KNL1: variants seen among roughly 807,000 people sequenced by gnomAD.
The protein encoded by KNL1 is kinetochore scaffold 1, also known as outer kinetochore KNL1 complex subunit KNL1.
Under a neutral mutation model 201.3 loss-of-function variants are expected in KNL1, and 66 were observed. The ratio of observed to expected loss-of-function variants is 0.33; its 90% confidence interval spans 0.27 to 0.40. KNL1 has a LOEUF of 0.40. Among genes scored for constraint, KNL1 ranks in the 10% least tolerant of loss-of-function variants. KNL1 has a pLI of 1.00. For synonymous variants in KNL1, 895 were observed against 899.2 expected, an observed-to-expected ratio of 1.00 and a Z score of 0.08; for missense variants, 2,815 against 2,690.5, an observed-to-expected ratio of 1.05 and a Z score of -1.02.
At chr15:40,644,351 G>A (rs890134311) in intron 14 of KNL1, among the ~76,000 whole-genome samples, 1 of 152,176 alleles carries the variant, frequency 6.6e-6, no homozygotes, top group African/African-American at 2.4e-5. Flanking sequence ...AACATGTCTC[G>A]CCTCCCACCA....
At chr15:40,658,565 A>C (rs1161767108) in intron 24 of KNL1, among the ~76,000 whole-genome samples, 1 of 145,802 alleles carries the variant, frequency 6.9e-6, no homozygotes, top group Non-Finnish European at 1.5e-5. Context: ...CTGTCTCAAA[A>C]AAAAAAAAAA....
At chr15:40,602,778 C>G (rs1891850207) in intron 1 of KNL1, 137 bp from the exon 2 acceptor site, 2 of 527,822 alleles carry the variant, frequency 3.8e-6, no homozygotes, top group African/African-American at 4.0e-5. Flanking sequence ...AGCCACTGCG[C>G]CCGGCCTTTC....
intron 1 of KNL1, among the ~76,000 whole-genome samples, chr15:40,602,420 G>A (rs962349041): frequency 5.3e-5 from 8 of 150,042 alleles, no homozygotes; most frequent in African/African-American, 1.7e-4. Context: ...ACAGGCATGA[G>A]CCACCGCGCC....
rs1215448275 is a variant in KNL1, at chr15:40,632,209, G to A, written c.5682+2838G>A. 3.5e-5 allele frequency among the ~76,000 whole-genome samples: 4 copies of A among 115,898 alleles called. No individual in the cohort carries two copies. The East Asian group carries it at 6.7e-4, about 19-fold the overall frequency. The allele number at this position is 115,898 out of a possible 152,430, so 76.0% of individuals were successfully genotyped here. A position where few individuals can be genotyped will look rare whatever the true frequency, so the allele number is the denominator to read the frequency against. On this transcript the variant is annotated intron_variant, in intron 13 of 25. Coordinates refer to ENST00000399668, the MANE Select transcript of KNL1 (RefSeq NM_144508.5). ...AAGACCAGCCTGGGCAACATAGCGA[G>A]ACCCCCCCCCACCCACATCTTTTAA... is the stretch of plus-strand genomic sequence containing the variant.
In KNL1 at chr15:40,621,555, T is replaced by C. The variant is rs777990077; in HGVS notation, c.1291T>C (p.Ser431Pro). The change falls in exon 10 of 26, where the codon TCT becomes CCT. Residue 431 changes from serine to proline, a missense_variant. Transcript: ENST00000399668. ...SIQGCKTVFY[S>P]SCNDAMEMTK... ...TCAAGGTTGTAAGACTGTTTTCTAT[T>C]CTAGTTGTAATGATGCCATGGAAAT... The C allele has an allele frequency of 1.1e-5, 18 of 1,610,662 alleles. No homozygotes were observed. Among genetic ancestry groups the C allele is most frequent in the Non-Finnish European group, 1.5e-5 (18 of 1,178,440 alleles).
intron 4 of KNL1, among the ~76,000 whole-genome samples, chr15:40,607,260 C>G (rs1892006227): frequency 6.6e-6 from 1 of 152,214 alleles, no homozygotes. Flanking sequence ...GAAGAAAGCA[C>G]ATCTCACACA....
At chr15:40,600,139 C>T (rs1325230622) in intron 1 of KNL1, among the ~76,000 whole-genome samples, 1 of 149,146 alleles carries the variant, frequency 6.7e-6, no homozygotes, top group Non-Finnish European at 1.5e-5. Context: ...GCAGTGGCCC[C>T]GTGTTGGCTC....
intron 22 of KNL1, 52 bp downstream of exon 22, chr15:40,655,029 G>A: frequency 7.2e-7 from 1 of 1,391,572 alleles, no homozygotes. Context: ...TGGGCACTAT[G>A]GCTCATGCCT....
Position 40,651,512 on chromosome 15 carries a change from C to G in KNL1, c.6254C>G (p.Ala2085Gly). Residue 2085 changes from alanine to glycine, a missense_variant, in exon 20 of 26, where the codon GCT (alanine) becomes GGT (glycine). Transcript: ENST00000399668. The part of the protein sequence containing the change: ...ELEVQKEQTL[A>G]QIDFMQKQRN... ...GAGGTACAAAAAGAGCAGACCCTTG[C>G]TCAAATAGACTTTATGCAAAAACAA... is the stretch of plus-strand genomic sequence containing the variant. The G allele has an allele frequency of 6.2e-7, 1 of 1,610,198 alleles. No homozygotes were observed. Among genetic ancestry groups the G allele is most frequent in the South Asian group, 1.1e-5 (1 of 90,264 alleles).
At chr15:40,609,397 A>C (rs1239980965) in intron 5 of KNL1, among the ~76,000 whole-genome samples, 1 of 152,200 alleles carries the variant, frequency 6.6e-6, no homozygotes, top group Admixed American at 6.5e-5. Flanking sequence ...CCTGGGCAAC[A>C]GAGTGAGACC....
At chr15:40,634,849 T>TC in intron 13 of KNL1, among the ~76,000 whole-genome samples, 1 of 152,124 alleles carries the variant, frequency 6.6e-6, no homozygotes, top group Non-Finnish European at 1.5e-5. Context: ...TTATGAATCT[T>TC]CCCCTTTCCT....
At chr15:40,613,074 TCA>T (rs1353839694) in intron 7 of KNL1, among the ~76,000 whole-genome samples, 1 of 152,184 alleles carries the variant, frequency 6.6e-6, no homozygotes, top group African/African-American at 2.4e-5. Context: ...TGAAGGTCCA[TCA>T]GTAAGGGCCT....
At chr15:40,600,233 G>T (rs1032472619) in intron 1 of KNL1, among the ~76,000 whole-genome samples, 2 of 151,948 alleles carry the variant, frequency 1.3e-5, no homozygotes, top group African/African-American at 2.4e-5. Context: ...CCACCACCAT[G>T]TCGACTAGTT....
intron 22 of KNL1, 73 bp downstream of exon 22, chr15:40,655,050 C>A: frequency 1.7e-6 from 2 of 1,194,450 alleles, no homozygotes; most frequent in Non-Finnish European, 1.2e-6. Context: ...TTAATCCCAG[C>A]ACTTTGGGAG....
At chr15:40,627,668 G>T (rs1164816126) in intron 10 of KNL1, among the ~76,000 whole-genome samples, 1 of 152,180 alleles carries the variant, frequency 6.6e-6, no homozygotes, top group Non-Finnish European at 1.5e-5. Context: ...AAGTAGTAAA[G>T]CCTGGAAATA....
At position 40,621,387 on chromosome 15, in the gene KNL1, C is replaced by G. The variant is rs778289548; in HGVS notation, c.1123C>G (p.Leu375Val). 2 of 1,611,238 alleles carry G rather than the reference C, an allele frequency of 1.2e-6. No homozygotes were observed. The highest frequency in any genetic ancestry group is 2.2e-5 in the South Asian group (2 of 90,900). Reference sequence around the variant, plus strand: ...TAAACAAAATACTGCTTTTCAAGACCTTTCCATAAACTCTGCAGACAAAAT... The same window carrying G: ...TAAACAAAATACTGCTTTTCAAGACGTTTCCATAAACTCTGCAGACAAAAT... The part of the protein sequence containing the change: ...KSKQNTAFQD[L>V]SINSADKIHI... Residue 375 changes from leucine (L) to valine (V), a missense_variant, in exon 10 of 26, where the codon CTT (leucine) becomes GTT (valine). By Grantham distance (32) the Leu-to-Val change is conservative. Coordinates refer to ENST00000399668, the MANE Select transcript of KNL1 (RefSeq NM_144508.5).
At chr15:40,645,175 AGTGATGAGTTAT>A (rs577274602) in intron 15 of KNL1, 88 bp downstream of exon 15, 761 of 845,768 alleles carry the variant, frequency 9.0e-4, no homozygotes, top group Non-Finnish European at 1.3e-3. Flanking sequence ...ACTTGGTCAT[AGTGATGAGTTAT>A]TTAACTTATT....
At chr15:40,601,090 G>A (rs1300956453) in intron 1 of KNL1, among the ~76,000 whole-genome samples, 1 of 152,234 alleles carries the variant, frequency 6.6e-6, no homozygotes, top group African/African-American at 2.4e-5. Context: ...ATGGCACAGT[G>A]GGAGATCAGT....
rs761150788 is a variant in KNL1, at chr15:40,621,587, A to C, written c.1323A>C (p.Lys441Asn). Residue 441 changes from lysine to asparagine, a missense_variant, in exon 10 of 26, where the codon AAA becomes AAC. Transcript: ENST00000399668. ...SSCNDAMEMT[K>N]CLSNMREEKN... The stretch of plus-strand genomic sequence containing the variant: ...GTAATGATGCCATGGAAATGACCAA[A>C]TGTCTCTCAAATATGAGAGAGGAGA... 4.3e-5 allele frequency: 70 copies of C among 1,609,966 alleles called. No homozygotes were observed. Among genetic ancestry groups the C allele is most frequent in the Non-Finnish European group, 5.7e-5 (67 of 1,178,028 alleles).
Sources: allele counts gnomAD v4.1 joint callset (sites outside exome capture counted in the v4.1 genomes callset), GRCh38; gene constraint gnomAD v4.1.1; transcripts MANE v1.5; gene names NCBI Gene and HGNC (gene_info 2026-07-23, HGNC 2026-07-21).